SLC44A5: variants seen among roughly 807,000 people sequenced by gnomAD.
SLC44A5 encodes solute carrier family 44 member 5, also known as choline transporter-like protein 5.
In SLC44A5, 57 loss-of-function variants were observed where a neutral mutation model predicts 101.8. The ratio of observed to expected loss-of-function variants is 0.56; its 90% CI spans 0.45 to 0.70. The LOEUF (loss-of-function observed/expected upper bound fraction) is 0.70, where lower values mean the gene tolerates loss of function less well. Ranked by LOEUF, SLC44A5 falls within the 30% of genes least tolerant of loss-of-function variation. SLC44A5 has a pLI of 0.00. For missense variants in SLC44A5, 737 were observed against 853.1 expected, an observed-to-expected ratio of 0.86 and a Z score of 1.70; for synonymous variants, 281 against 290.9, an observed-to-expected ratio of 0.97 and a Z score of 0.35.
chr1:75,373,371 C>A (rs1218680147), intron 3 of SLC44A5, among the ~76,000 whole-genome samples: 1 of 152,034 alleles, frequency 6.6e-6, no homozygotes, highest in Non-Finnish European at 1.5e-5. Context: ...AACTCCAAGG[C>A]ACCACACCCC....
chr1:75,698,225 A>G, the SLC44A5 span, among the ~76,000 whole-genome samples: 1 of 152,260 alleles, frequency 6.6e-6, no homozygotes, highest in Non-Finnish European at 1.5e-5. Flanking sequence ...AAAACACAGC[A>G]GTAACCTCTG....
chr1:75,713,045 G>A, the SLC44A5 span, among the ~76,000 whole-genome samples: 51 of 152,030 alleles, frequency 3.4e-4, no homozygotes, highest in African/African-American at 1.1e-3. Context: ...CTCCTGTTCC[G>A]CCTAACCACT....
chr1:75,396,914 G>A (rs959509005), intron 2 of SLC44A5, among the ~76,000 whole-genome samples: 1 of 152,162 alleles, frequency 6.6e-6, no homozygotes, highest in Non-Finnish European at 1.5e-5. Context: ...CTTGTATAAT[G>A]TAGGTGATAT....
intron 2 of SLC44A5, among the ~76,000 whole-genome samples, chr1:75,499,310 A>G (rs1668828607): frequency 6.6e-6 from 1 of 152,172 alleles, no homozygotes; most frequent in South Asian, 2.1e-4. Context: ...AGATTATCAT[A>G]AGGTGCACAC....
chr1:75,586,226 G>A (rs1336497217), intron 1 of SLC44A5, among the ~76,000 whole-genome samples: 1 of 151,962 alleles, frequency 6.6e-6, no homozygotes, highest in Non-Finnish European at 1.5e-5. Context: ...TTTTGAGCTG[G>A]GATGTCAGTC....
intron 2 of SLC44A5, among the ~76,000 whole-genome samples, chr1:75,483,113 G>A (rs959763485): frequency 1.3e-5 from 2 of 152,158 alleles, no homozygotes; most frequent in Non-Finnish European, 2.9e-5. Flanking sequence ...TAAACATTTA[G>A]AGAGGAAAGG....
chr1:75,203,936 T>G (rs1646704387), intron 23 of SLC44A5, 103 bp from the exon 24 acceptor site: 7 of 1,308,888 alleles, frequency 5.3e-6, no homozygotes, highest in Non-Finnish European at 6.9e-6. Context: ...AAAATCCTTT[T>G]GTTGTTTTTT....
At chr1:75,255,918 TA>T (rs1438602292) in intron 6 of SLC44A5, among the ~76,000 whole-genome samples, 13 of 152,044 alleles carry the variant, frequency 8.6e-5, no homozygotes, top group African/African-American at 2.9e-4. Flanking sequence ...CAATCAAATA[TA>T]AAAAGAGAAA....
chr1:75,614,036 G>A (rs371758706), upstream of SLC44A5, among the ~76,000 whole-genome samples: 23 of 152,248 alleles, frequency 1.5e-4, no homozygotes, highest in South Asian at 2.5e-3. Flanking sequence ...CAATCTGCAA[G>A]GTTTGGGGTG....
intron 4 of SLC44A5, among the ~76,000 whole-genome samples, chr1:75,327,704 G>A (rs1042787580): frequency 6.6e-6 from 1 of 152,118 alleles, no homozygotes; most frequent in East Asian, 1.9e-4. Flanking sequence ...AGTAGAAAAA[G>A]ATCTAAATTA....
At chr1:75,210,121 A>G (rs1181979788) in intron 23 of SLC44A5, among the ~76,000 whole-genome samples, 1 of 151,636 alleles carries the variant, frequency 6.6e-6, no homozygotes, top group East Asian at 1.9e-4. Context: ...ATCATAGCTC[A>G]CTGCAGCCTT....
intron 2 of SLC44A5, among the ~76,000 whole-genome samples, chr1:75,464,768 A>G (rs1298098460): frequency 6.6e-6 from 1 of 152,192 alleles, no homozygotes; most frequent in Non-Finnish European, 1.5e-5. Flanking sequence ...CAAGACAAAA[A>G]CTATATGAAG....
chr1:75,691,654 G>A, the SLC44A5 span, among the ~76,000 whole-genome samples: 3 of 152,176 alleles, frequency 2.0e-5, no homozygotes, highest in Non-Finnish European at 2.9e-5. Flanking sequence ...GAGCCTCTGG[G>A]AGCTAAGTTG....
At chr1:75,520,933 A>G (rs1295764730) in intron 2 of SLC44A5, among the ~76,000 whole-genome samples, 1 of 150,842 alleles carries the variant, frequency 6.6e-6, no homozygotes, top group Non-Finnish European at 1.5e-5. Context: ...GTTTGCTTTG[A>G]CAGGGAGAAA....
chr1:75,658,945 T>TA, the SLC44A5 span, among the ~76,000 whole-genome samples: 6 of 151,942 alleles, frequency 3.9e-5, no homozygotes, highest in East Asian at 1.2e-3. Flanking sequence ...AAGGAAATAT[T>TA]ACAACTGATA....
Position 75,307,261 on chromosome 1 carries a change from TGTC to T in SLC44A5, c.102-6579_102-6577del, listed in dbSNP as rs550830508. Among the ~76,000 whole-genome samples, 294 of 152,296 alleles carry T rather than the reference TGTC, an allele frequency of 1.9e-3. 1 individual carries two copies. Among genetic ancestry groups the T allele is most frequent in the Non-Finnish European group, 3.5e-3 (241 of 68,016 alleles). ...ATTGTTGGTGTCACCTGGGTACATC[TGTC>T]TACAACATGGCTGCATTTATAACCC... is the stretch of plus-strand genomic sequence containing the variant. On this transcript the variant is annotated intron_variant, in intron 4 of 23. Coordinates refer to ENST00000370859, the MANE Select transcript of SLC44A5 (RefSeq NM_001130058.2).
At chr1:75,433,263 C>T (rs1037089900) in intron 2 of SLC44A5, among the ~76,000 whole-genome samples, 1 of 152,028 alleles carries the variant, frequency 6.6e-6, no homozygotes, top group African/African-American at 2.4e-5. Flanking sequence ...CTCCTCATTC[C>T]ACTGCAATAG....
intron 2 of SLC44A5, among the ~76,000 whole-genome samples, chr1:75,479,785 G>A (rs1427329044): frequency 2.6e-5 from 4 of 152,152 alleles, no homozygotes; most frequent in African/African-American, 9.7e-5. Flanking sequence ...AAAGAGTCCA[G>A]GACCAGATGG....
intron 2 of SLC44A5, among the ~76,000 whole-genome samples, chr1:75,398,194 G>A (rs958474191): frequency 4.6e-5 from 7 of 152,070 alleles, no homozygotes; most frequent in East Asian, 3.9e-4. Flanking sequence ...AACAAAATTC[G>A]AGGTTCATGG....
Sources: gnomAD v4.1 joint callset for allele counts (sites outside exome capture counted in the v4.1 genomes callset) on GRCh38, gnomAD v4.1.1 for gene constraint, MANE v1.5 for transcripts, NCBI Gene and HGNC (gene_info 2026-07-23, HGNC 2026-07-21) for gene names.